Variants in NADSYN1 observed in about 807,000 individuals in gnomAD.
NADSYN1 encodes the protein NAD synthetase 1, also known as glutamine-dependent NAD(+) synthetase.
A neutral mutation model predicts 99.3 loss-of-function variants in NADSYN1; 80 were observed. The observed-to-expected ratio is 0.81, with a 90% CI of 0.67 to 0.97. The LOEUF (loss-of-function observed/expected upper bound fraction) is 0.97. Among genes scored for constraint, NADSYN1 ranks in the 50% least tolerant of loss-of-function variants. The pLI, the probability that NADSYN1 is intolerant of heterozygous loss-of-function variation, is 0.00. For missense variants in NADSYN1, 859 were observed against 948.5 expected (o/e 0.91, Z 1.24); for synonymous variants, 385 against 372.1 (o/e 1.03, Z -0.40).
In NADSYN1 at chr11:71,474,467, A is replaced by G. The variant is rs1949650875; in HGVS notation, c.739A>G (p.Met247Val). The change falls in exon 9 of 21, where the codon ATG (methionine) becomes GTG (valine). Residue 247 changes from methionine (M) to valine (V), a missense_variant. Met to Val is a conservative substitution (Grantham distance 21, BLOSUM62 1). Coordinates refer to ENST00000319023, the MANE Select transcript of NADSYN1 (RefSeq NM_018161.5). ...GDRLYYDGCAMIAMNGSVFAQ... is the reference protein window; with the variant it reads ...GDRLYYDGCAVIAMNGSVFAQ... ...CCGCCTGTACTACGACGGCTGTGCCATGATTGCCATGAACGGAAGCGTCTT... is the reference window on the plus strand; with the variant it reads ...CCGCCTGTACTACGACGGCTGTGCCGTGATTGCCATGAACGGAAGCGTCTT... 1 of 1,614,140 alleles carries G rather than the reference A, an allele frequency of 6.2e-7. No individual in the cohort carries two copies. The highest frequency in any genetic ancestry group is 8.5e-7 in the Non-Finnish European group (1 of 1,179,970).
intron 20 of NADSYN1, 103 bp downstream of exon 20, chr11:71,498,631 A>T: frequency 7.8e-7 from 1 of 1,281,728 alleles, no homozygotes; most frequent in South Asian, 1.5e-5. Context: ...ATACACAGTA[A>T]CTTTTTTACT....
intron 5 of NADSYN1, chr11:71,464,385 C>A (rs931429706): frequency 4.5e-6 from 2 of 446,768 alleles, no homozygotes; most frequent in African/African-American, 2.0e-5. Context: ...GCTCAGGGCG[C>A]GGTTACACAA....
intron 7 of NADSYN1, 74 bp downstream of exon 7, chr11:71,473,440 C>T (rs980389827): frequency 6.4e-6 from 10 of 1,558,636 alleles, no homozygotes; most frequent in East Asian, 4.5e-5. Context: ...GGACTGCAGA[C>T]GTCCTGGGGC....
At position 71,480,896 on chromosome 11, in the gene NADSYN1, C is replaced by T. The variant is rs746789062; in HGVS notation, c.998+17C>T. 5.0e-6 allele frequency: 8 copies of T among 1,612,710 alleles called. No individual in the cohort carries two copies. The highest frequency in any genetic ancestry group is 4.0e-5 in the African/African-American group (3 of 74,902). On this transcript the variant is annotated intron_variant, in intron 11 of 20. Transcript: ENST00000319023. ...GGAGATAAGGTGTGTGGCCCCTGAC[C>T]CCTGGGAGGGACCTGGCGTCTGTGT...
In NADSYN1 at chr11:71,497,628, G is replaced by A. The variant is rs373347876; in HGVS notation, c.1893+17G>A. ...CCGAGACAGGTAAAGCCTGTGAGAC[G>A]CATCACAGAGGGAGGCCAGTTAGGT... On this transcript the variant is annotated intron_variant, in intron 19 of 20. Coordinates refer to ENST00000319023, the MANE Select transcript of NADSYN1 (RefSeq NM_018161.5). 5.9e-5 allele frequency: 96 copies of A among 1,613,598 alleles called. No homozygotes were observed. Among genetic ancestry groups the A allele is most frequent in the Admixed American group, 1.8e-4 (11 of 59,988 alleles).
intron 10 of NADSYN1, 69 bp from the exon 11 acceptor site, chr11:71,480,686 G>T: frequency 6.2e-7 from 1 of 1,606,452 alleles, no homozygotes. Context: ...CTGCTTGTCT[G>T]TCGGTCCTGG....
intron 9 of NADSYN1, chr11:71,476,213 C>T (rs764287630): frequency 2.7e-5 from 11 of 414,694 alleles, no homozygotes; most frequent in Non-Finnish European, 4.9e-5. Flanking sequence ...TTGCCTGACT[C>T]GTCTTTGGAC....
At chr11:71,474,676 G>T (rs1472895635) in intron 9 of NADSYN1, 150 bp downstream of exon 9, 1 of 1,048,572 alleles carries the variant, frequency 9.5e-7, no homozygotes, top group East Asian at 2.6e-5. Flanking sequence ...CCTGTAAGCC[G>T]GGCGCTTAGT....
At chr11:71,454,779 TCTTC>T (rs1949502191) in intron 1 of NADSYN1, among the ~76,000 whole-genome samples, 1 of 152,194 alleles carries the variant, frequency 6.6e-6, no homozygotes, top group Non-Finnish European at 1.5e-5. Context: ...GGGTCTGACT[TCTTC>T]CTCTTCCTCC....
At chr11:71,463,985 C>A in intron 4 of NADSYN1, 68 bp from the exon 5 acceptor site, 1 of 1,341,100 alleles carries the variant, frequency 7.5e-7, no homozygotes, top group Non-Finnish European at 1.0e-6. Flanking sequence ...CTTGGTGGCA[C>A]TGACCACCGC....
At chr11:71,474,556 G>C (rs772729714) in intron 9 of NADSYN1, 30 bp downstream of exon 9, 22 of 1,613,670 alleles carry the variant, frequency 1.4e-5, no homozygotes, top group Middle Eastern at 3.3e-4. Context: ...ATGCCTGGGG[G>C]AGGGTTCTCT....
At chr11:71,453,653 C>A (rs1949495133) in intron 1 of NADSYN1, among the ~76,000 whole-genome samples, 1 of 152,174 alleles carries the variant, frequency 6.6e-6, no homozygotes, top group Non-Finnish European at 1.5e-5. Flanking sequence ...GGGGATGGAC[C>A]CGTGTTCTGA....
intron 9 of NADSYN1, 107 bp downstream of exon 9, chr11:71,474,633 G>GC (rs745829695): frequency 8.9e-6 from 13 of 1,462,116 alleles, no homozygotes; most frequent in Non-Finnish European, 9.5e-7. Context: ...CTGTGGAGAA[G>GC]CCCCCGGGGG....
intron 15 of NADSYN1, chr11:71,484,814 TGA>T (rs1306900028): frequency 2.3e-5 from 6 of 261,370 alleles, no homozygotes; most frequent in South Asian, 5.7e-5. Context: ...CATGAGTGTA[TGA>T]GAGTACAAGT....
intron 16 of NADSYN1, among the ~76,000 whole-genome samples, chr11:71,487,513 G>A (rs1431643657): frequency 6.6e-6 from 1 of 152,142 alleles, no homozygotes; most frequent in African/African-American, 2.4e-5. Context: ...CTGGGAGCTG[G>A]AAGGTCTCTA....
chr11:71,482,599 C>T (rs1384495661), intron 13 of NADSYN1: 7 of 384,716 alleles, frequency 1.8e-5, no homozygotes, highest in Middle Eastern at 7.5e-4. Context: ...GGGTGTAGAC[C>T]GGGGTGGAGT....
At chr11:71,474,862 C>T in intron 9 of NADSYN1, 1 of 367,928 alleles carries the variant, frequency 2.7e-6, no homozygotes, top group Non-Finnish European at 5.3e-6. Context: ...CTGGAGACAG[C>T]TGAACCCCGA....
chr11:71,474,227 G>A (rs548665603), intron 8 of NADSYN1, among the ~76,000 whole-genome samples, 168 bp from the exon 9 acceptor site: 63 of 152,196 alleles, frequency 4.1e-4, no homozygotes, highest in Non-Finnish European at 7.6e-4. Flanking sequence ...GGGGCTCGCC[G>A]CAGCTTCACA....
intron 9 of NADSYN1, 80 bp from the exon 10 acceptor site, chr11:71,478,315 A>G: frequency 8.3e-7 from 1 of 1,204,516 alleles, no homozygotes; most frequent in Non-Finnish European, 1.2e-6. Context: ...GTGTGACAAC[A>G]CCTTTGACAG....
Sources: gnomAD v4.1 joint callset for allele counts (sites outside exome capture counted in the v4.1 genomes callset) on GRCh38, gnomAD v4.1.1 for gene constraint, MANE v1.5 for transcripts, NCBI Gene and HGNC (gene_info 2026-07-23, HGNC 2026-07-21) for gene names.